The following BCKDHB variants were observed in gnomAD, a reference collection of about 807,000 sequenced individuals.
BCKDHB encodes 2-oxoisovalerate dehydrogenase subunit beta, mitochondrial.
Under a neutral mutation model 48.5 loss-of-function variants are expected in BCKDHB, and 41 were observed. That is an observed-to-expected ratio of 0.85 (90% CI 0.66 to 1.10). BCKDHB has a LOEUF of 1.10. Ranked by LOEUF, BCKDHB falls within the 50% of genes least tolerant of loss-of-function variation. The pLI is 0.00. For synonymous variants in BCKDHB, 201 were observed against 174.8 expected, an observed-to-expected ratio of 1.15 and a Z score of -1.18; for missense variants, 496 against 494.2, an observed-to-expected ratio of 1.00 and a Z score of -0.03.
chr6:80,174,048 A>G (rs1773038295), intron 6 of BCKDHB, among the ~76,000 whole-genome samples: 2 of 152,190 alleles, frequency 1.3e-5, no homozygotes, highest in Admixed American at 1.3e-4. Context: ...GAGCAGCCTG[A>G]CAATTTCTAA....
the BCKDHB span, among the ~76,000 whole-genome samples, chr6:80,428,817 G>A: frequency 6.6e-6 from 1 of 151,966 alleles, no homozygotes; most frequent in Non-Finnish European, 1.5e-5. Flanking sequence ...CCCATGCTGT[G>A]GGTTGCCTGT....
intron 6 of BCKDHB, among the ~76,000 whole-genome samples, chr6:80,178,850 A>G (rs532091084): frequency 6.6e-6 from 1 of 152,304 alleles, no homozygotes; most frequent in African/African-American, 2.4e-5. Flanking sequence ...GTTTTAAACC[A>G]AGACATTTTG....
At chr6:80,377,133 C>T in the BCKDHB span, among the ~76,000 whole-genome samples, 1 of 151,470 alleles carries the variant, frequency 6.6e-6, no homozygotes, top group Non-Finnish European at 1.5e-5. Flanking sequence ...CTCTGTCTCC[C>T]AGGTTCAAGT....
the BCKDHB span, among the ~76,000 whole-genome samples, chr6:80,361,631 C>T: frequency 6.6e-6 from 1 of 152,158 alleles, no homozygotes; most frequent in African/African-American, 2.4e-5. Flanking sequence ...AGGAGCATCA[C>T]CCCCTCTAGA....
chr6:80,361,818 G>T, the BCKDHB span, among the ~76,000 whole-genome samples: 1 of 152,164 alleles, frequency 6.6e-6, no homozygotes, highest in Non-Finnish European at 1.5e-5. Context: ...TCTAAGTGCT[G>T]TTTTGCACAC....
At chr6:80,254,831 C>A (rs1279104425) in intron 8 of BCKDHB, among the ~76,000 whole-genome samples, 1 of 152,198 alleles carries the variant, frequency 6.6e-6, no homozygotes, top group Non-Finnish European at 1.5e-5. Flanking sequence ...AAGGAAACAA[C>A]TCTGTTGACA....
At chr6:80,119,055 C>G (rs766674048) in intron 1 of BCKDHB, among the ~76,000 whole-genome samples, 4 of 152,066 alleles carry the variant, frequency 2.6e-5, no homozygotes, top group Non-Finnish European at 5.9e-5. Context: ...TTTGGGAGGC[C>G]AAGGCTGGCG....
chr6:80,232,950 G>A (rs1177771687), intron 8 of BCKDHB, among the ~76,000 whole-genome samples: 1 of 151,898 alleles, frequency 6.6e-6, no homozygotes, highest in Non-Finnish European at 1.5e-5. Context: ...AATTTGCATA[G>A]TAATATGTAG....
chr6:80,369,893 A>G, the BCKDHB span, among the ~76,000 whole-genome samples: 1 of 150,984 alleles, frequency 6.6e-6, no homozygotes, highest in Non-Finnish European at 1.5e-5. Flanking sequence ...TTTAAATGAG[A>G]TTTGCTTCTA....
chr6:80,292,428 A>C (rs1297961186), intron 9 of BCKDHB, among the ~76,000 whole-genome samples: 2 of 151,834 alleles, frequency 1.3e-5, no homozygotes, highest in African/African-American at 2.4e-5. Context: ...ACTCCTCTTT[A>C]TAAAACCATC....
the BCKDHB span, chr6:80,355,764 G>A: frequency 1.3e-5 from 2 of 152,286 alleles, no homozygotes; most frequent in South Asian, 4.1e-4. Flanking sequence ...CAACCACATG[G>A]AGTACATGGT....
intron 3 of BCKDHB, among the ~76,000 whole-genome samples, chr6:80,164,343 T>G (rs1772470164): frequency 6.6e-6 from 1 of 152,178 alleles, no homozygotes. Flanking sequence ...ATGGTCGCTC[T>G]GCCCAGAATA....
chr6:80,142,942 G>A (rs1771296056), intron 3 of BCKDHB, among the ~76,000 whole-genome samples: 1 of 152,086 alleles, frequency 6.6e-6, no homozygotes, highest in South Asian at 2.1e-4. Context: ...GAGATTATCA[G>A]TGTAACATTT....
the BCKDHB span, among the ~76,000 whole-genome samples, chr6:80,383,752 C>T: frequency 5.3e-5 from 8 of 151,924 alleles, no homozygotes; most frequent in African/African-American, 1.5e-4. Flanking sequence ...TACTGTGTCC[C>T]ACGTCACATA....
the BCKDHB span, among the ~76,000 whole-genome samples, chr6:80,419,903 C>A: frequency 0.022 from 3,323 of 152,042 alleles, 129 homozygotes; most frequent in African/African-American, 0.074. Context: ...CTAATTCTTT[C>A]CTCTACTTGA....
intron 3 of BCKDHB, among the ~76,000 whole-genome samples, chr6:80,165,962 G>A (rs1772547812): frequency 1.3e-5 from 2 of 152,140 alleles, no homozygotes; most frequent in South Asian, 4.1e-4. Context: ...ACCACTGGTA[G>A]CCACAGACTA....
chr6:80,464,608 C>T, the BCKDHB span, among the ~76,000 whole-genome samples: 1 of 152,200 alleles, frequency 6.6e-6, no homozygotes, highest in Admixed American at 6.5e-5. Flanking sequence ...AGGCCATTCA[C>T]TGAACAGTTG....
the BCKDHB span, among the ~76,000 whole-genome samples, chr6:80,407,068 A>G: frequency 6.6e-6 from 1 of 152,152 alleles, no homozygotes; most frequent in Non-Finnish European, 1.5e-5. Context: ...TTAGCTTTCT[A>G]CATATGGCTA....
the BCKDHB span, among the ~76,000 whole-genome samples, chr6:80,376,346 G>A: frequency 6.6e-6 from 1 of 152,064 alleles, no homozygotes; most frequent in African/African-American, 2.4e-5. Flanking sequence ...CCAAAAGGCT[G>A]GTCTCACTCC....
Sources: allele counts gnomAD v4.1 joint callset (sites outside exome capture counted in the v4.1 genomes callset), GRCh38; gene constraint gnomAD v4.1.1; transcripts MANE v1.5; gene names NCBI Gene and HGNC (gene_info 2026-07-23, HGNC 2026-07-21).